RABGAP1L: variants seen among roughly 807,000 people sequenced by gnomAD.
RABGAP1L encodes the protein rab GTPase-activating protein 1-like.
In RABGAP1L, 63 loss-of-function variants were observed where a neutral mutation model predicts 137.7. The ratio of observed to expected loss-of-function variants is 0.46; its 90% confidence interval spans 0.37 to 0.56. The LOEUF (loss-of-function observed/expected upper bound fraction) is 0.56. Among genes scored for constraint, RABGAP1L ranks in the 20% least tolerant of loss-of-function variants. RABGAP1L has a pLI of 0.00. For missense variants in RABGAP1L, 1,095 were observed against 1,244.0 expected (o/e 0.88, Z 1.80); for synonymous variants, 431 against 433.7 (o/e 0.99, Z 0.08).
At chr1:174,804,324 G>A (rs1200585407) in intron 18 of RABGAP1L, among the ~76,000 whole-genome samples, 7 of 138,164 alleles carry the variant, frequency 5.1e-5, no homozygotes, top group African/African-American at 1.8e-4. Flanking sequence ...AGGCTGGAGT[G>A]CAGTGGTGTG....
chr1:174,905,499 A>C (rs1658893087), intron 19 of RABGAP1L, among the ~76,000 whole-genome samples: 1 of 152,202 alleles, frequency 6.6e-6, no homozygotes, highest in African/African-American at 2.4e-5. Flanking sequence ...GGCTCTCAAC[A>C]GTAGAATGGA....
chr1:174,744,381 T>C (rs1683704276), intron 17 of RABGAP1L, among the ~76,000 whole-genome samples: 1 of 152,236 alleles, frequency 6.6e-6, no homozygotes, highest in African/African-American at 2.4e-5. Context: ...TCTGTCACTT[T>C]CACTACTTTC....
chr1:174,223,494 A>G (rs1258702151), intron 3 of RABGAP1L, among the ~76,000 whole-genome samples: 1 of 151,414 alleles, frequency 6.6e-6, no homozygotes, highest in Non-Finnish European at 1.5e-5. Flanking sequence ...GTTAGCACCA[A>G]CAGTAGAAAA....
Position 174,992,890 on chromosome 1 carries a change from A to G in RABGAP1L, c.*2889A>G, listed in dbSNP as rs987815992. 6.6e-6 allele frequency: 1 copy of G among 152,224 alleles called. No individual in the cohort carries two copies. Among genetic ancestry groups the G allele is most frequent in the African/African-American group, 2.4e-5 (1 of 41,460 alleles). The allele number at this position is 152,224 out of a possible 1,614,324, so 9.4% of individuals were successfully genotyped here. A position where few individuals can be genotyped will look rare whatever the true frequency, so the allele number is the denominator to read the frequency against. On this transcript the variant is annotated 3_prime_UTR_variant, in exon 26 of 26. Coordinates refer to ENST00000681986, the MANE Select transcript of RABGAP1L (RefSeq NM_001366446.1). ...CCAGCCAAATATCCAGGAAAGTTTC[A>G]AAACATTCTAGTGTTTTTCATCCTT...
intron 1 of RABGAP1L, among the ~76,000 whole-genome samples, chr1:174,162,019 C>T (rs929098890): frequency 6.0e-5 from 9 of 150,608 alleles, no homozygotes; most frequent in Non-Finnish European, 1.2e-4. Flanking sequence ...AGGCCTGAGC[C>T]AACGGTGCTT....
intron 11 of RABGAP1L, among the ~76,000 whole-genome samples, chr1:174,332,038 C>G (rs1043004877): frequency 2.6e-5 from 4 of 151,958 alleles, no homozygotes; most frequent in African/African-American, 9.7e-5. Context: ...TGACTTTGTT[C>G]TTAGTAGAAA....
intron 19 of RABGAP1L, among the ~76,000 whole-genome samples, chr1:174,825,098 C>CT (rs571317441): frequency 3.8e-4 from 58 of 152,342 alleles, no homozygotes; most frequent in Non-Finnish European, 5.3e-4. Context: ...TCTAGAACAT[C>CT]TACCTTTTGC....
At chr1:174,352,461 T>C (rs946341117) in intron 11 of RABGAP1L, among the ~76,000 whole-genome samples, 1 of 152,152 alleles carries the variant, frequency 6.6e-6, no homozygotes, top group African/African-American at 2.4e-5. Flanking sequence ...TATGATATGA[T>C]TCTGAATTCT....
intron 13 of RABGAP1L, among the ~76,000 whole-genome samples, chr1:174,423,911 G>A (rs1166643791): frequency 6.6e-6 from 1 of 151,850 alleles, no homozygotes; most frequent in Non-Finnish European, 1.5e-5. Flanking sequence ...TCTGTTTTTA[G>A]AAACAGAGAA....
intron 1 of RABGAP1L, among the ~76,000 whole-genome samples, chr1:174,191,577 A>G (rs1571458050): frequency 6.6e-6 from 1 of 152,206 alleles, no homozygotes; most frequent in Admixed American, 6.5e-5. Flanking sequence ...ATGTGTACCC[A>G]TACTTTTTTT....
chr1:174,832,894 C>T (rs1692265475), intron 19 of RABGAP1L, among the ~76,000 whole-genome samples: 2 of 152,184 alleles, frequency 1.3e-5, no homozygotes. Context: ...TAATGTCCTG[C>T]TTCCTTGTAT....
At chr1:174,615,839 G>A (rs1020613476) in intron 13 of RABGAP1L, among the ~76,000 whole-genome samples, 27 of 152,210 alleles carry the variant, frequency 1.8e-4, no homozygotes, top group African/African-American at 6.3e-4. Flanking sequence ...CGACTGTTGT[G>A]CTAGCAATCA....
intron 7 of RABGAP1L, among the ~76,000 whole-genome samples, chr1:174,271,417 A>G (rs1305277405): frequency 1.3e-5 from 2 of 152,132 alleles, no homozygotes; most frequent in East Asian, 3.8e-4. Flanking sequence ...TTTGAAATTG[A>G]AAAAATCTTA....
At chr1:174,385,719 A>G (rs1686710357) in intron 12 of RABGAP1L, among the ~76,000 whole-genome samples, 1 of 152,188 alleles carries the variant, frequency 6.6e-6, no homozygotes, top group Non-Finnish European at 1.5e-5. Context: ...AACTAAGTCT[A>G]TCAAGAATGA....
chr1:174,931,243 A>C (rs1663741710), intron 19 of RABGAP1L, among the ~76,000 whole-genome samples: 1 of 152,176 alleles, frequency 6.6e-6, no homozygotes, highest in Non-Finnish European at 1.5e-5. Context: ...AGCTGATGGG[A>C]TATTCTTTGC....
intron 1 of RABGAP1L, among the ~76,000 whole-genome samples, chr1:174,206,938 A>G (rs1328622130): frequency 6.6e-6 from 1 of 152,124 alleles, no homozygotes; most frequent in Non-Finnish European, 1.5e-5. Flanking sequence ...TGCTGTAGGT[A>G]TGGGGGAGAA....
At chr1:174,460,749 G>T (rs934504335) in intron 13 of RABGAP1L, among the ~76,000 whole-genome samples, 1 of 151,990 alleles carries the variant, frequency 6.6e-6, no homozygotes, top group Non-Finnish European at 1.5e-5. Flanking sequence ...AAAGGAATTT[G>T]ATTTTTTACT....
chr1:174,335,329 A>C (rs1681387902), intron 11 of RABGAP1L, among the ~76,000 whole-genome samples: 1 of 152,226 alleles, frequency 6.6e-6, no homozygotes, highest in Admixed American at 6.5e-5. Flanking sequence ...TGGAAGTTCA[A>C]GTCATTCTAA....
At chr1:174,636,470 GTGAGCCAAGATCGTGCCA>G (rs1674047737) in intron 13 of RABGAP1L, among the ~76,000 whole-genome samples, 1 of 151,706 alleles carries the variant, frequency 6.6e-6, no homozygotes, top group Admixed American at 6.6e-5. Context: ...GGAGGTTGCG[GTGAGCCAAGATCGTGCCA>G]TTGTACTCCA....
Sources: gnomAD v4.1 joint callset for allele counts (sites outside exome capture counted in the v4.1 genomes callset) on GRCh38, gnomAD v4.1.1 for gene constraint, MANE v1.5 for transcripts, NCBI Gene and HGNC (gene_info 2026-07-23, HGNC 2026-07-21) for gene names.